Variants in ENTREP2 observed in about 807,000 individuals in gnomAD.
The protein encoded by ENTREP2 is endosomal transmembrane epsin interactor 2, also known as protein ENTREP2.
the ENTREP2 span, among the ~76,000 whole-genome samples, chr15:29,484,683 C>T: frequency 3.3e-5 from 5 of 152,138 alleles, no homozygotes; most frequent in South Asian, 1.0e-3. Flanking sequence ...AAACACTCAG[C>T]TAAGATGCTA....
the ENTREP2 span, among the ~76,000 whole-genome samples, chr15:29,219,288 C>G: frequency 6.6e-6 from 1 of 151,914 alleles, no homozygotes; most frequent in African/African-American, 2.4e-5. Flanking sequence ...GCAAGAATGG[C>G]CATAATCAAA....
At chr15:29,497,874 T>C in the ENTREP2 span, among the ~76,000 whole-genome samples, 3 of 152,210 alleles carry the variant, frequency 2.0e-5, no homozygotes, top group Non-Finnish European at 2.9e-5. Flanking sequence ...GGTTGTTTAT[T>C]TGAGATCTTT....
the ENTREP2 span, among the ~76,000 whole-genome samples, chr15:29,235,981 CAA>C: frequency 8.2e-6 from 1 of 121,648 alleles, no homozygotes; most frequent in Admixed American, 8.7e-5. Flanking sequence ...CAAAACAAAA[CAA>C]AAAAAAACCC....
the ENTREP2 span, among the ~76,000 whole-genome samples, chr15:29,259,255 T>C: frequency 6.6e-6 from 1 of 152,216 alleles, no homozygotes; most frequent in African/African-American, 2.4e-5. Flanking sequence ...TTATCAGGCA[T>C]CATTAAGGAG....
chr15:29,191,521 C>T, the ENTREP2 span, among the ~76,000 whole-genome samples: 1 of 151,996 alleles, frequency 6.6e-6, no homozygotes, highest in Non-Finnish European at 1.5e-5. Flanking sequence ...AAGACAAAGA[C>T]AGAAGGAGCC....
At chr15:29,588,400 C>T in the ENTREP2 span, among the ~76,000 whole-genome samples, 3 of 150,854 alleles carry the variant, frequency 2.0e-5, no homozygotes, top group African/African-American at 4.9e-5. Context: ...CCTGGGAGGC[C>T]GGGGTTGTAG....
chr15:29,483,737 C>T, the ENTREP2 span, among the ~76,000 whole-genome samples: 1 of 152,182 alleles, frequency 6.6e-6, no homozygotes, highest in Non-Finnish European at 1.5e-5. Context: ...TGATCTCCTT[C>T]GCTATTGTGT....
At chr15:29,459,355 G>T in the ENTREP2 span, among the ~76,000 whole-genome samples, 3 of 152,224 alleles carry the variant, frequency 2.0e-5, no homozygotes, top group East Asian at 5.8e-4. Context: ...TCCTGGGAGG[G>T]TACATTTCCT....
chr15:29,156,467 T>C, the ENTREP2 span, among the ~76,000 whole-genome samples: 1 of 151,426 alleles, frequency 6.6e-6, no homozygotes, highest in Non-Finnish European at 1.5e-5. Flanking sequence ...GGATTACAAG[T>C]GCAAGCCACG....
chr15:29,309,367 T>C, the ENTREP2 span, among the ~76,000 whole-genome samples: 2 of 152,148 alleles, frequency 1.3e-5, no homozygotes, highest in Non-Finnish European at 2.9e-5. Context: ...ATCACCTCAC[T>C]TGCTTTCCCA....
the ENTREP2 span, among the ~76,000 whole-genome samples, chr15:29,590,696 A>AG: frequency 2.0e-5 from 3 of 151,142 alleles, 1 homozygote; most frequent in South Asian, 6.3e-4. Context: ...AAAAAAAAAA[A>AG]AAAAAAAAGA....
chr15:29,178,779 T>C, the ENTREP2 span, among the ~76,000 whole-genome samples: 1 of 150,576 alleles, frequency 6.6e-6, no homozygotes, highest in Non-Finnish European at 1.5e-5. Context: ...CTTCTCCTTA[T>C]CTAAGACAAG....
the ENTREP2 span, among the ~76,000 whole-genome samples, chr15:29,133,135 C>A: frequency 3.9e-5 from 6 of 152,152 alleles, no homozygotes; most frequent in Admixed American, 3.3e-4. Flanking sequence ...GGGCTTCCCT[C>A]ACGGAGGGCC....
chr15:29,186,935 A>G, the ENTREP2 span, among the ~76,000 whole-genome samples: 1 of 152,162 alleles, frequency 6.6e-6, no homozygotes, highest in Non-Finnish European at 1.5e-5. Flanking sequence ...CTAGGATTAG[A>G]GGTGAGGTAT....
At chr15:29,389,324 A>C in the ENTREP2 span, among the ~76,000 whole-genome samples, 1 of 152,122 alleles carries the variant, frequency 6.6e-6, no homozygotes, top group South Asian at 2.1e-4. Flanking sequence ...CTAAGACACT[A>C]CGACATCCGG....
the ENTREP2 span, among the ~76,000 whole-genome samples, chr15:29,331,514 C>T: frequency 6.6e-6 from 1 of 152,282 alleles, no homozygotes; most frequent in East Asian, 1.9e-4. Context: ...AATTGACTCT[C>T]CTAATCCAGT....
chr15:29,289,085 C>A, the ENTREP2 span, among the ~76,000 whole-genome samples: 14 of 151,656 alleles, frequency 9.2e-5, no homozygotes, highest in South Asian at 2.7e-3. Flanking sequence ...TGTATGCCTG[C>A]AGTCCCAGCT....
chr15:29,222,704 G>A, the ENTREP2 span, among the ~76,000 whole-genome samples: 7 of 152,158 alleles, frequency 4.6e-5, no homozygotes, highest in Non-Finnish European at 1.5e-5. Context: ...TCAGGGGCCT[G>A]CTTCAGTCTC....
chr15:29,400,484 A>G, the ENTREP2 span, among the ~76,000 whole-genome samples: 1 of 152,190 alleles, frequency 6.6e-6, no homozygotes, highest in African/African-American at 2.4e-5. Context: ...AACTCTAATT[A>G]AAATACCAAA....
Sources: gnomAD v4.1 joint callset for allele counts (sites outside exome capture counted in the v4.1 genomes callset) on GRCh38, gnomAD v4.1.1 for gene constraint, MANE v1.5 for transcripts, NCBI Gene and HGNC (gene_info 2026-07-23, HGNC 2026-07-21) for gene names.